KCNN2: variants seen among roughly 807,000 people sequenced by gnomAD.
KCNN2 encodes the protein small conductance calcium-activated potassium channel protein 2.
Under a neutral mutation model 55.5 loss-of-function variants are expected in KCNN2, and 24 were observed. The ratio of observed to expected loss-of-function variants is 0.43; its 90% confidence interval spans 0.31 to 0.61. The LOEUF (loss-of-function observed/expected upper bound fraction) is 0.61, where lower values mean the gene tolerates loss of function less well. KCNN2 is among the 20% of genes least tolerant of loss of function. KCNN2 has a pLI of 0.08. For missense variants in KCNN2, 754 were observed against 853.6 expected (o/e 0.88, Z 1.45); for synonymous variants, 431 against 336.1 (o/e 1.28, Z -3.09).
chr5:114,444,535 C>T lies in KCNN2; in HGVS notation c.1638-18514C>T, dbSNP rs533843227. Among the ~76,000 whole-genome samples the T allele has an allele frequency of 4.6e-5, 7 of 152,032 alleles. No homozygotes were observed. The South Asian group carries it at 1.5e-3, about 32-fold the overall frequency. On this transcript the variant is annotated intron_variant, in intron 3 of 7. Coordinates refer to ENST00000673685, the MANE Select transcript of KCNN2 (RefSeq NM_021614.4). Reference sequence around the variant, plus strand: ...ATTGGAGTGGCAAGCAGAGGCCAGGCCAAAAAGAATGCTCAATTTGAGAAT... The same window carrying T: ...ATTGGAGTGGCAAGCAGAGGCCAGGTCAAAAAGAATGCTCAATTTGAGAAT...
intron 5 of KCNN2, among the ~76,000 whole-genome samples, chr5:114,478,126 C>G (rs1346926815): frequency 6.6e-6 from 1 of 152,098 alleles, no homozygotes; most frequent in Admixed American, 6.6e-5. Context: ...AAATCTATCC[C>G]TGCTGCTGCA....
intron 1 of KCNN2, among the ~76,000 whole-genome samples, chr5:114,131,637 G>A (rs545591971): frequency 6.6e-6 from 1 of 152,130 alleles, no homozygotes; most frequent in South Asian, 2.1e-4. Context: ...ATTCCTTTGG[G>A]TATATACCCA....
intron 1 of KCNN2, among the ~76,000 whole-genome samples, chr5:114,173,297 T>C (rs79464514): frequency 6.6e-6 from 1 of 152,096 alleles, no homozygotes; most frequent in Non-Finnish European, 1.5e-5. Context: ...ATGTGTCTGT[T>C]TTTATGACAG....
intron 3 of KCNN2, among the ~76,000 whole-genome samples, chr5:114,405,194 A>C (rs1218916206): frequency 3.3e-5 from 5 of 152,182 alleles, no homozygotes; most frequent in Admixed American, 3.3e-4. Flanking sequence ...TCTGTGCCTG[A>C]TTGCTTATGA....
chr5:114,292,292 C>G (rs1390234061), intron 2 of KCNN2, among the ~76,000 whole-genome samples: 5 of 152,168 alleles, frequency 3.3e-5, no homozygotes, highest in Non-Finnish European at 7.3e-5. Flanking sequence ...ATGGCATTGC[C>G]TAGGTTTTCT....
chr5:114,466,392 C>T (rs1056744392), intron 4 of KCNN2, among the ~76,000 whole-genome samples: 2 of 151,926 alleles, frequency 1.3e-5, no homozygotes, highest in African/African-American at 2.4e-5. Context: ...TGGACAGCAC[C>T]AGCTAGTTTC....
chr5:114,358,305 T>C (rs189395931), upstream of KCNN2, among the ~76,000 whole-genome samples: 4 of 152,158 alleles, frequency 2.6e-5, no homozygotes, highest in East Asian at 7.7e-4. Flanking sequence ...GCGAAGGAGA[T>C]GAAGTTTTTT....
At chr5:114,458,884 T>G (rs1354151966) in intron 3 of KCNN2, among the ~76,000 whole-genome samples, 2 of 152,106 alleles carry the variant, frequency 1.3e-5, no homozygotes, top group East Asian at 3.9e-4. Flanking sequence ...AGGAAATACA[T>G]CTGCAGAGAA....
intron 1 of KCNN2, among the ~76,000 whole-genome samples, chr5:114,181,641 G>A (rs942510562): frequency 1.3e-5 from 2 of 152,042 alleles, no homozygotes; most frequent in African/African-American, 4.8e-5. Flanking sequence ...TGTTTCCTGT[G>A]TTGCAAAGGT....
rs559379218 is a variant in KCNN2, at chr5:114,229,085, A to C, written c.-185+7520A>C. ...AAAGGATGGAAGCAGTAAAGCTATA[A>C]AATTTATGATTGTACTAAAAATTAA... On this transcript the variant is annotated intron_variant, in intron 2 of 10. Coordinates refer to the KCNN2 transcript ENST00000512097. Among the ~76,000 whole-genome samples the C allele has an allele frequency of 2.0e-5, 3 of 152,078 alleles. No individual in the cohort carries two copies. In the East Asian group the frequency reaches 5.8e-4, roughly 29 times the overall value.
At chr5:114,271,220 C>G (rs1755324934) in intron 2 of KCNN2, among the ~76,000 whole-genome samples, 1 of 152,100 alleles carries the variant, frequency 6.6e-6, no homozygotes, top group South Asian at 2.1e-4. Context: ...ACACAGAGCA[C>G]TGATTGGTGC....
At chr5:114,358,655 T>C (rs1401096991), upstream of KCNN2, among the ~76,000 whole-genome samples, 1 of 152,284 alleles carries the variant, frequency 6.6e-6, no homozygotes, top group East Asian at 1.9e-4. Context: ...TGCGTCTTTT[T>C]TTTTCCCCCA....
At chr5:114,361,170 G>A (rs1290666823), upstream of KCNN2, 1 of 152,270 alleles carries the variant, frequency 6.6e-6, no homozygotes, top group Non-Finnish European at 1.5e-5. Context: ...CGGTAGCGGG[G>A]AAAGCCCTCC....
chr5:114,367,176 G>A (rs1757625931), intron 2 of KCNN2, among the ~76,000 whole-genome samples: 1 of 152,176 alleles, frequency 6.6e-6, no homozygotes, highest in African/African-American at 2.4e-5. Context: ...GTGAGTCATG[G>A]ATGGAAGTGC....
chr5:114,448,868 C>T (rs926880279), intron 3 of KCNN2, among the ~76,000 whole-genome samples: 1 of 152,212 alleles, frequency 6.6e-6, no homozygotes, highest in African/African-American at 2.4e-5. Flanking sequence ...GATGGGGCAC[C>T]TTAAGCTGGT....
intron 1 of KCNN2, among the ~76,000 whole-genome samples, chr5:114,082,062 C>T (rs553283905): frequency 7.9e-5 from 12 of 151,990 alleles, no homozygotes; most frequent in African/African-American, 1.9e-4. Flanking sequence ...CCAGTAAGCA[C>T]GTGAAAAGAT....
chr5:114,399,509 G>C (rs2150068286), intron 2 of KCNN2, among the ~76,000 whole-genome samples: 1 of 152,204 alleles, frequency 6.6e-6, no homozygotes, highest in East Asian at 1.9e-4. Flanking sequence ...CTAGTATTTT[G>C]TTGAGATTTT....
intron 4 of KCNN2, among the ~76,000 whole-genome samples, chr5:114,464,473 A>G (rs1199979534): frequency 6.6e-6 from 1 of 152,110 alleles, no homozygotes; most frequent in Admixed American, 6.5e-5. Context: ...GGTAGGAGAG[A>G]GCAGAGGGTT....
intron 2 of KCNN2, among the ~76,000 whole-genome samples, chr5:114,342,156 C>T (rs1468466724): frequency 2.0e-5 from 3 of 152,108 alleles, no homozygotes; most frequent in Non-Finnish European, 4.4e-5. Context: ...CCGCCTTGGC[C>T]TCCCAAAGTG....
Sources: gnomAD v4.1 joint callset for allele counts (sites outside exome capture counted in the v4.1 genomes callset) on GRCh38, gnomAD v4.1.1 for gene constraint, MANE v1.5 for transcripts, NCBI Gene and HGNC (gene_info 2026-07-23, HGNC 2026-07-21) for gene names.